Variants in VRK2 observed in about 807,000 individuals in gnomAD.
The protein encoded by VRK2 is serine/threonine-protein kinase VRK2.
VRK2 carries 60 observed loss-of-function variants against 57.6 expected under a neutral mutation model. The ratio of observed to expected loss-of-function variants is 1.04; its 90% CI spans 0.85 to 1.29. The LOEUF (loss-of-function observed/expected upper bound fraction) is 1.29. Among genes scored for constraint, VRK2 ranks in the 50% most tolerant of loss-of-function variants. The probability of loss-of-function intolerance (pLI) is 0.00; values close to 1 mark genes in which losing one functional copy is unlikely to be tolerated. For synonymous variants in VRK2, 231 were observed against 199.2 expected (o/e 1.16, Z -1.35); for missense variants, 705 against 588.1 (o/e 1.20, Z -2.06).
At chr2:57,982,667 G>A (rs1276530467) in intron 1 of VRK2, among the ~76,000 whole-genome samples, 1 of 152,126 alleles carries the variant, frequency 6.6e-6, no homozygotes, top group Non-Finnish European at 1.5e-5. Flanking sequence ...AGCAAGGCAG[G>A]AACCCTAGGA....
chr2:58,085,354 T>C (rs1671471131), intron 4 of VRK2, among the ~76,000 whole-genome samples: 2 of 151,866 alleles, frequency 1.3e-5, no homozygotes, highest in Admixed American at 6.6e-5. Flanking sequence ...GTAGAATGGA[T>C]TGGGGCAAGG....
chr2:58,050,139 G>C (rs139996439), intron 2 of VRK2, among the ~76,000 whole-genome samples: 2 of 151,828 alleles, frequency 1.3e-5, no homozygotes, highest in East Asian at 3.8e-4. Flanking sequence ...AATTTTCTAG[G>C]AGCCACATTA....
chr2:57,918,850 T>C (rs192813622), intron 1 of VRK2, among the ~76,000 whole-genome samples: 2 of 152,240 alleles, frequency 1.3e-5, no homozygotes, highest in Admixed American at 1.3e-4. Flanking sequence ...CTAATCCTGA[T>C]CCTTCTTGAT....
intron 7 of VRK2, among the ~76,000 whole-genome samples, chr2:58,107,102 T>C (rs939263795): frequency 1.3e-5 from 2 of 152,156 alleles, no homozygotes; most frequent in African/African-American, 4.8e-5. Flanking sequence ...ATTTGTCATA[T>C]AGTGGTTTCA....
exon 13 of VRK2, chr2:58,159,869 AAATAGTGTCATAG>A (rs959196003): frequency 2.9e-5 from 46 of 1,598,550 alleles, no homozygotes; most frequent in African/African-American, 4.7e-4. Flanking sequence ...TTTGTACTAG[AAATAGTGTCATAG>A]AATAGTGTCA....
rs760964833 is a variant in VRK2, at chr2:58,159,640, A to ATCATCATACCTGTCC, written c.1476_1490dup (p.Ile493_Leu497dup). 4 of 1,613,806 alleles carry ATCATCATACCTGTCC rather than the reference A, an allele frequency of 2.5e-6. No individual in the cohort carries two copies. The Admixed American group carries it at 6.7e-5, about 27-fold the overall frequency. Reference sequence around the variant, plus strand: ...AAACGCAGATGTTTATTATTATCGCATCATCATACCTGTCCTTTTGATGTT... The same window carrying ATCATCATACCTGTCC: ...AAACGCAGATGTTTATTATTATCGCATCATCATACCTGTCCTCATCATACCTGTCCTTTTGATGTT... On this transcript the variant is annotated inframe_insertion, in exon 13 of 13. Coordinates refer to ENST00000340157, the MANE Select transcript of VRK2 (RefSeq NM_006296.7).
Position 58,088,447 on chromosome 2 carries a change from G to C in VRK2, c.450+1G>C. The C allele has an allele frequency of 6.3e-7, 1 of 1,599,182 alleles. No homozygotes were observed. The highest frequency in any genetic ancestry group is 8.6e-7 in the Non-Finnish European group (1 of 1,167,942). On this transcript the variant is annotated splice_donor_variant, in intron 6 of 12. Transcript: ENST00000340157. LOFTEE classifies it high-confidence loss of function. ...TGTCCTGCAATTAGGTATCCGAATG[G>C]TAAGAATTACTTATTTCGCATGCTC...
At chr2:58,077,556 G>A (rs1455014945) in intron 2 of VRK2, among the ~76,000 whole-genome samples, 1 of 151,818 alleles carries the variant, frequency 6.6e-6, no homozygotes, top group East Asian at 1.9e-4. Flanking sequence ...ATTTTTGGGT[G>A]TTTAAATGGG....
At chr2:58,135,964 C>T (rs1021473304) in intron 10 of VRK2, among the ~76,000 whole-genome samples, 20 of 152,128 alleles carry the variant, frequency 1.3e-4, no homozygotes, top group Non-Finnish European at 4.4e-5. Context: ...ATCTTGTTTT[C>T]TGTTTACACT....
chr2:58,089,569 GT>G, intron 6 of VRK2, 61 bp from the exon 7 acceptor site: 1 of 1,033,056 alleles, frequency 9.7e-7, no homozygotes, highest in Non-Finnish European at 1.4e-6. Context: ...TATTCAAAAT[GT>G]TGAAATTGAT....
At chr2:57,968,715 GAAT>G (rs1373612922) in intron 1 of VRK2, among the ~76,000 whole-genome samples, 1 of 151,982 alleles carries the variant, frequency 6.6e-6, no homozygotes, top group East Asian at 1.9e-4. Flanking sequence ...ACTAAAAACT[GAAT>G]AATGAGAAAG....
chr2:57,973,307 C>A (rs144759535), intron 1 of VRK2, among the ~76,000 whole-genome samples: 39 of 151,816 alleles, frequency 2.6e-4, no homozygotes, highest in Admixed American at 7.9e-4. Flanking sequence ...CAAGCAAATG[C>A]AAGTACAAAA....
At chr2:58,001,115 T>C (rs768632965) in intron 1 of VRK2, among the ~76,000 whole-genome samples, 3 of 152,200 alleles carry the variant, frequency 2.0e-5, no homozygotes, top group African/African-American at 7.2e-5. Flanking sequence ...GAGAAGCAGA[T>C]GGAATAAAAA....
intron 1 of VRK2, among the ~76,000 whole-genome samples, chr2:57,976,467 G>A (rs575041341): frequency 2.0e-5 from 3 of 152,064 alleles, no homozygotes; most frequent in South Asian, 4.1e-4. Context: ...CATTCTGCAG[G>A]TCAAGCATTT....
intron 7 of VRK2, among the ~76,000 whole-genome samples, chr2:58,120,030 A>G (rs1677180765): frequency 6.6e-6 from 1 of 151,626 alleles, no homozygotes; most frequent in African/African-American, 2.4e-5. Context: ...TGTTGGAGAG[A>G]TTTCTTTCTT....
In VRK2 at chr2:58,089,648, T is replaced by C; in HGVS notation, c.468T>C (p.Tyr156=). The C allele has an allele frequency of 1.2e-6, 2 of 1,602,626 alleles. No homozygotes were observed. The highest frequency in any genetic ancestry group is 1.7e-4 in the Middle Eastern group (1 of 6,018). The change falls in exon 7 of 13, where the codon TAT becomes TAC. Residue 156 remains tyrosine (Y), a synonymous_variant. Coordinates refer to ENST00000340157, the MANE Select transcript of VRK2 (RefSeq NM_006296.7). ...TTTCACAGTTGGATGTACTGGAATA[T>C]ATACATGAAAATGAATATGTTCATG... ...LGIRMLDVLE[Y]IHENEYVHGD...
intron 8 of VRK2, among the ~76,000 whole-genome samples, chr2:58,130,433 C>T (rs1256618250): frequency 6.6e-6 from 1 of 152,134 alleles, no homozygotes; most frequent in Non-Finnish European, 1.5e-5. Flanking sequence ...TGCATTAGGA[C>T]ATTGTTGAAG....
intron 2 of VRK2, among the ~76,000 whole-genome samples, chr2:58,030,476 C>A (rs1175866125): frequency 6.6e-6 from 1 of 151,986 alleles, no homozygotes; most frequent in African/African-American, 2.4e-5. Context: ...ATGCACTCTA[C>A]CTCGTTTCCT....
At chr2:58,120,316 G>T (rs892695711) in intron 7 of VRK2, among the ~76,000 whole-genome samples, 3 of 149,366 alleles carry the variant, frequency 2.0e-5, no homozygotes, top group Admixed American at 6.8e-5. Context: ...TCAGCTTCCT[G>T]AGTAGCTCGG....
Sources: allele counts gnomAD v4.1 joint callset (sites outside exome capture counted in the v4.1 genomes callset), GRCh38; gene constraint gnomAD v4.1.1; transcripts MANE v1.5; gene names NCBI Gene and HGNC (gene_info 2026-07-23, HGNC 2026-07-21).